The following MYO1D variants were observed in gnomAD, a reference collection of about 807,000 sequenced individuals.
MYO1D encodes the protein myosin ID, also known as unconventional myosin-Id.
A neutral mutation model predicts 122.0 loss-of-function variants in MYO1D; 83 were observed. The observed-to-expected ratio is 0.68, with a 90% CI of 0.57 to 0.82. MYO1D has a LOEUF of 0.82. MYO1D is among the 40% of genes least tolerant of loss of function. MYO1D has a pLI of 0.00. For missense variants in MYO1D, 1,157 were observed against 1,269.5 expected, an observed-to-expected ratio of 0.91 and a Z score of 1.35; for synonymous variants, 464 against 446.9, an observed-to-expected ratio of 1.04 and a Z score of -0.48.
chr17:32,602,169 T>A (rs2087569859), intron 21 of MYO1D, among the ~76,000 whole-genome samples: 1 of 152,254 alleles, frequency 6.6e-6, no homozygotes, highest in Admixed American at 6.5e-5. Context: ...TTATCTCTAG[T>A]TAACTTATAA....
chr17:32,718,457 G>C (rs1040170173), intron 15 of MYO1D, among the ~76,000 whole-genome samples: 1 of 152,172 alleles, frequency 6.6e-6, no homozygotes, highest in Admixed American at 6.5e-5. Flanking sequence ...CAGCACTTTG[G>C]GAGGCTGAGG....
At chr17:32,530,492 G>C (rs1223576251) in intron 21 of MYO1D, among the ~76,000 whole-genome samples, 1 of 152,186 alleles carries the variant, frequency 6.6e-6, no homozygotes, top group African/African-American at 2.4e-5. Context: ...GGACAAGAAT[G>C]AAAGACATCA....
intron 1 of MYO1D, among the ~76,000 whole-genome samples, chr17:32,823,752 T>G (rs1018729864): frequency 2.6e-5 from 4 of 152,136 alleles, no homozygotes; most frequent in African/African-American, 9.6e-5. Context: ...ACACAAACAC[T>G]GAACATCATG....
chr17:32,838,055 TA>T (rs1489980209), intron 1 of MYO1D, among the ~76,000 whole-genome samples: 1 of 152,192 alleles, frequency 6.6e-6, no homozygotes, highest in Non-Finnish European at 1.5e-5. Context: ...AATTTTTATG[TA>T]GTTGGATCGG....
Position 32,774,172 on chromosome 17 carries a change from C to T in MYO1D, c.565-1330G>A, listed in dbSNP as rs371447100. ...GCCCAACAATTTCCTCTTAAAGAGG[C>T]GGCTGGAGCTAAAGGCATAGTCAAG... On this transcript the variant is annotated intron_variant, in intron 4 of 21. Coordinates refer to ENST00000318217, the MANE Select transcript of MYO1D (RefSeq NM_015194.3). Among the ~76,000 whole-genome samples, 6 of 152,186 alleles carry T rather than the reference C, an allele frequency of 3.9e-5. No individual in the cohort carries two copies. The East Asian group carries it at 7.7e-4, about 20-fold the overall frequency.
intron 20 of MYO1D, among the ~76,000 whole-genome samples, chr17:32,632,922 C>T (rs183743039): frequency 6.6e-6 from 1 of 151,992 alleles, no homozygotes; most frequent in Non-Finnish European, 1.5e-5. Flanking sequence ...ACAAATATGG[C>T]ACTGAAGAGC....
At chr17:32,691,686 G>A (rs1296214767) in intron 16 of MYO1D, among the ~76,000 whole-genome samples, 4 of 152,128 alleles carry the variant, frequency 2.6e-5, no homozygotes, top group African/African-American at 9.7e-5. Context: ...GATTACAGGT[G>A]TGAGCCACCA....
At chr17:32,806,196 T>G (rs560104044) in intron 1 of MYO1D, among the ~76,000 whole-genome samples, 2 of 152,178 alleles carry the variant, frequency 1.3e-5, no homozygotes, top group African/African-American at 2.4e-5. Context: ...AGGCGGAGGT[T>G]GCAGTGAGCC....
At chr17:32,538,005 T>C (rs1407214154) in intron 21 of MYO1D, among the ~76,000 whole-genome samples, 1 of 152,240 alleles carries the variant, frequency 6.6e-6, no homozygotes. Context: ...TATATTTTTG[T>C]ATTTCACTGT....
Position 32,492,787 on chromosome 17 carries a change from A to G in MYO1D, c.*1972T>C, listed in dbSNP as rs749366563. ...TTCCTTTCCCCTCAGCGCCCGGGAC[A>G]CGTGACCGAGATCATACCCTAAATT... On this transcript the variant is annotated 3_prime_UTR_variant, in exon 22 of 22. Coordinates refer to ENST00000318217, the MANE Select transcript of MYO1D (RefSeq NM_015194.3). 1 of 152,500 alleles carries G rather than the reference A, an allele frequency of 6.6e-6. No homozygotes were observed. Among genetic ancestry groups the G allele is most frequent in the Non-Finnish European group, 1.5e-5 (1 of 68,020 alleles). 9.4% of individuals were successfully genotyped at this position (152,500 alleles called of 1,614,324 possible).
At chr17:32,773,623 CCTT>C (rs1385932852) in intron 4 of MYO1D, among the ~76,000 whole-genome samples, 7 of 151,332 alleles carry the variant, frequency 4.6e-5, no homozygotes, top group African/African-American at 1.5e-4. Flanking sequence ...CTCCATTCCT[CCTT>C]CTTCTCCCTT....
intron 15 of MYO1D, among the ~76,000 whole-genome samples, chr17:32,714,651 T>C (rs2160958): frequency 0.49 from 75,040 of 151,966 alleles, 18,830 homozygotes; most frequent in East Asian, 0.73. Context: ...CCCTTTCTTA[T>C]ACCTTATACA....
intron 21 of MYO1D, among the ~76,000 whole-genome samples, chr17:32,583,044 C>T (rs2087356369): frequency 1.3e-5 from 2 of 152,252 alleles, no homozygotes; most frequent in South Asian, 4.1e-4. Context: ...TTCTGAAGGA[C>T]TTTAACATCT....
chr17:32,578,196 CCCTT>C (rs2038797283), intron 21 of MYO1D, among the ~76,000 whole-genome samples: 2 of 152,298 alleles, frequency 1.3e-5, no homozygotes, highest in Non-Finnish European at 2.9e-5. Context: ...AAAAATATTT[CCCTT>C]TGTTAATGGT....
At chr17:32,679,519 C>T (rs1302651582) in intron 16 of MYO1D, among the ~76,000 whole-genome samples, 3 of 151,990 alleles carry the variant, frequency 2.0e-5, no homozygotes, top group Non-Finnish European at 4.4e-5. Context: ...AATAGGGAAT[C>T]CTTTCCCCAT....
intron 16 of MYO1D, among the ~76,000 whole-genome samples, chr17:32,702,583 C>G (rs1449488797): frequency 1.3e-5 from 2 of 152,128 alleles, no homozygotes; most frequent in Admixed American, 6.6e-5. Flanking sequence ...CCTCGCCCCC[C>G]AGTGCTATTC....
intron 20 of MYO1D, among the ~76,000 whole-genome samples, chr17:32,606,364 T>C (rs2087628223): frequency 6.6e-6 from 1 of 152,216 alleles, no homozygotes; most frequent in Admixed American, 6.5e-5. Flanking sequence ...GCTGGCATTA[T>C]TCTGATATCA....
At chr17:32,795,032 TGA>T (rs2090399216) in intron 1 of MYO1D, among the ~76,000 whole-genome samples, 1 of 152,208 alleles carries the variant, frequency 6.6e-6, no homozygotes, top group South Asian at 2.1e-4. Flanking sequence ...TTACTGGGTA[TGA>T]GAGGCAAGAA....
At chr17:32,509,162 A>G (rs1909598941) in intron 21 of MYO1D, among the ~76,000 whole-genome samples, 2 of 152,342 alleles carry the variant, frequency 1.3e-5, no homozygotes, top group Non-Finnish European at 2.9e-5. Flanking sequence ...CAGGTGGGGT[A>G]CATGTCCCGG....
Sources: allele counts gnomAD v4.1 joint callset (sites outside exome capture counted in the v4.1 genomes callset), GRCh38; gene constraint gnomAD v4.1.1; transcripts MANE v1.5; gene names NCBI Gene and HGNC (gene_info 2026-07-23, HGNC 2026-07-21).